The following GLIS3 variants were observed in gnomAD, a reference collection of about 807,000 sequenced individuals.
GLIS3 encodes zinc finger protein GLIS3.
Under a neutral mutation model 78.6 loss-of-function variants are expected in GLIS3, and 53 were observed. The ratio of observed to expected loss-of-function variants is 0.67; its 90% CI spans 0.54 to 0.85. GLIS3 has a LOEUF of 0.85. Among genes scored for constraint, GLIS3 ranks in the 40% least tolerant of loss-of-function variants. GLIS3 has a pLI of 0.00. For missense variants in GLIS3, 1,703 were observed against 1,231.1 expected, an observed-to-expected ratio of 1.38 and a Z score of -5.74; for synonymous variants, 684 against 509.9, an observed-to-expected ratio of 1.34 and a Z score of -4.60.
At chr9:4,006,253 T>C (rs1214625454) in intron 4 of GLIS3, among the ~76,000 whole-genome samples, 1 of 150,222 alleles carries the variant, frequency 6.7e-6, no homozygotes, top group African/African-American at 2.5e-5. Context: ...TGAGAGCTCC[T>C]TTTACAGATT....
At chr9:4,477,412 G>C in the GLIS3 span, among the ~76,000 whole-genome samples, 5 of 151,266 alleles carry the variant, frequency 3.3e-5, 1 homozygote, top group South Asian at 4.2e-4. Context: ...GTGTGTTTTG[G>C]GGGGGCTGGG....
At chr9:4,252,889 A>G (rs188242353) in intron 2 of GLIS3, among the ~76,000 whole-genome samples, 365 of 152,112 alleles carry the variant, frequency 2.4e-3, no homozygotes, top group Non-Finnish European at 4.0e-3. Context: ...GGTCTGCTGG[A>G]GTTTGCTGGA....
chr9:4,207,051 C>T (rs1035992258), intron 2 of GLIS3, among the ~76,000 whole-genome samples: 1 of 152,294 alleles, frequency 6.6e-6, no homozygotes, highest in East Asian at 1.9e-4. Context: ...ATAACAGAAT[C>T]CCTAGACCAG....
intron 2 of GLIS3, among the ~76,000 whole-genome samples, chr9:4,276,251 G>T (rs1826967571): frequency 6.8e-6 from 1 of 148,000 alleles, no homozygotes; most frequent in South Asian, 2.3e-4. Context: ...CCAGTGCACT[G>T]GGCAACAGAG....
intron 4 of GLIS3, among the ~76,000 whole-genome samples, chr9:3,962,271 C>A (rs1478990343): frequency 6.6e-6 from 1 of 151,582 alleles, no homozygotes; most frequent in Non-Finnish European, 1.5e-5. Flanking sequence ...AACTTTTGTT[C>A]TTTTCTTCCT....
the GLIS3 span, among the ~76,000 whole-genome samples, chr9:4,485,547 G>T: frequency 1.3e-5 from 2 of 152,104 alleles, no homozygotes; most frequent in Admixed American, 1.3e-4. Flanking sequence ...TTCCAGGGAG[G>T]CTGATTTGAG....
At chr9:3,921,291 G>A (rs1371176457) in intron 6 of GLIS3, among the ~76,000 whole-genome samples, 1 of 152,206 alleles carries the variant, frequency 6.6e-6, no homozygotes, top group Non-Finnish European at 1.5e-5. Context: ...CCTACATTCT[G>A]CAGTTTGGAT....
At chr9:4,266,419 C>T (rs762551446) in intron 2 of GLIS3, among the ~76,000 whole-genome samples, 5 of 152,230 alleles carry the variant, frequency 3.3e-5, no homozygotes, top group Admixed American at 6.5e-5. Context: ...AACCCAGCTC[C>T]AGACAAAAGA....
chr9:4,243,876 CCT>C (rs1337150989), intron 2 of GLIS3, among the ~76,000 whole-genome samples: 4 of 152,164 alleles, frequency 2.6e-5, no homozygotes, highest in African/African-American at 7.2e-5. Context: ...AGGAAGATTT[CCT>C]TCATGAGGTG....
In GLIS3 at chr9:4,259,244, C is replaced by CTTTTATTTATTTATTT. The variant is rs751630404; in HGVS notation, c.388+26793_388+26794insAAATAAATAAATAAAA. Among the ~76,000 whole-genome samples the CTTTTATTTATTTATTT allele has an allele frequency of 2.2e-3, 326 of 151,462 alleles. 2 individuals are homozygous for CTTTTATTTATTTATTT. Among genetic ancestry groups the CTTTTATTTATTTATTT allele is most frequent in the African/African-American group, 6.5e-3 (266 of 41,240 alleles). On this transcript the variant is annotated intron_variant, in intron 2 of 10. Transcript: ENST00000381971. ...GGTCAGGGTCTCCAGTTGCTCATTT[C>CTTTTATTTATTTATTT]ATTTATTTATTTATTTATTTATTTA...
the GLIS3 span, among the ~76,000 whole-genome samples, chr9:4,404,503 A>G: frequency 6.6e-6 from 1 of 152,212 alleles, no homozygotes; most frequent in East Asian, 1.9e-4. Flanking sequence ...AAAAAAATTA[A>G]AATAATATCA....
chr9:4,286,636 G>A, intron 1 of GLIS3, 113 bp from the exon 2 acceptor site: 1 of 626,892 alleles, frequency 1.6e-6, no homozygotes, highest in Non-Finnish European at 2.8e-6. Context: ...CTCTTAGCAA[G>A]ATGGCCTTTT....
chr9:4,008,825 C>G (rs1563943103), intron 4 of GLIS3, among the ~76,000 whole-genome samples: 1 of 152,186 alleles, frequency 6.6e-6, no homozygotes, highest in African/African-American at 2.4e-5. Flanking sequence ...GTTCCAACAT[C>G]CACCTTTTAT....
intron 4 of GLIS3, among the ~76,000 whole-genome samples, chr9:4,008,577 C>T (rs1821742391): frequency 6.6e-6 from 1 of 152,150 alleles, no homozygotes; most frequent in Non-Finnish European, 1.5e-5. Flanking sequence ...AACAGAGGGG[C>T]AAAAGTTGAT....
chr9:4,311,261 T>A (rs914428448), intron 2 of GLIS3, among the ~76,000 whole-genome samples: 1 of 151,952 alleles, frequency 6.6e-6, no homozygotes, highest in Non-Finnish European at 1.5e-5. Flanking sequence ...ATACAAAAAT[T>A]ATCCGGGCGT....
chr9:3,910,398 G>A (rs967782521), intron 6 of GLIS3, among the ~76,000 whole-genome samples: 5 of 152,084 alleles, frequency 3.3e-5, no homozygotes, highest in African/African-American at 7.2e-5. Flanking sequence ...CACCCAGGAT[G>A]GAGTGCTGTG....
At chr9:4,403,714 A>G in the GLIS3 span, among the ~76,000 whole-genome samples, 1 of 152,198 alleles carries the variant, frequency 6.6e-6, no homozygotes, top group South Asian at 2.1e-4. Context: ...AAACAAAAAC[A>G]TAACAAATAA....
intron 4 of GLIS3, among the ~76,000 whole-genome samples, chr9:4,020,350 G>T (rs1563955014): frequency 6.6e-6 from 1 of 152,260 alleles, no homozygotes. Flanking sequence ...TGCAAAAAAG[G>T]CTTGGGTGCT....
chr9:4,324,271 G>T (rs1817572732), intron 2 of GLIS3, among the ~76,000 whole-genome samples: 1 of 152,144 alleles, frequency 6.6e-6, no homozygotes, highest in Admixed American at 6.5e-5. Context: ...TCATAGTGAG[G>T]CTGAGAGCTT....
Sources: allele counts gnomAD v4.1 joint callset (sites outside exome capture counted in the v4.1 genomes callset), GRCh38; gene constraint gnomAD v4.1.1; transcripts MANE v1.5; gene names NCBI Gene and HGNC (gene_info 2026-07-23, HGNC 2026-07-21).